The following SDHB variants were observed in gnomAD, a reference collection of about 807,000 sequenced individuals.
SDHB encodes succinate dehydrogenase [ubiquinone] iron-sulfur subunit, mitochondrial.
In SDHB, 21 loss-of-function variants were observed where a neutral mutation model predicts 39.7. That is an observed-to-expected ratio of 0.53 (90% CI 0.37 to 0.76). The LOEUF (loss-of-function observed/expected upper bound fraction) is 0.76, where lower values mean the gene tolerates loss of function less well. Ranked by LOEUF, SDHB falls within the 30% of genes least tolerant of loss-of-function variation. The probability of loss-of-function intolerance (pLI) is 0.00; values close to 1 mark genes in which losing one functional copy is unlikely to be tolerated. For synonymous variants in SDHB, 118 were observed against 117.0 expected (o/e 1.01, Z -0.06); for missense variants, 343 against 350.9 (o/e 0.98, Z 0.18).
At chr1:17,041,051 G>T (rs1348759702) in intron 2 of SDHB, among the ~76,000 whole-genome samples, 1 of 152,004 alleles carries the variant, frequency 6.6e-6, no homozygotes, top group East Asian at 2.0e-4. Flanking sequence ...AATCGCTTGA[G>T]CCTGGAAGGC....
At chr1:17,027,571 C>T (rs1005150586) in intron 5 of SDHB, 178 bp downstream of exon 5, 15 of 638,166 alleles carry the variant, frequency 2.4e-5, no homozygotes, top group Non-Finnish European at 3.7e-5. Flanking sequence ...CTGGGCCATT[C>T]ACGGGTTCAC....
At chr1:17,036,641 T>TA (rs1319983995) in intron 2 of SDHB, among the ~76,000 whole-genome samples, 2 of 149,818 alleles carry the variant, frequency 1.3e-5, no homozygotes, top group Admixed American at 6.7e-5. Context: ...TAACAGTACT[T>TA]ACAGGCTTTT....
chr1:17,040,390 A>G (rs2078073474), intron 2 of SDHB, among the ~76,000 whole-genome samples: 1 of 152,132 alleles, frequency 6.6e-6, no homozygotes, highest in Non-Finnish European at 1.5e-5. Flanking sequence ...TTCTTCAAAT[A>G]GATATTTATT....
chr1:17,042,753 G>A (rs1277772442), intron 2 of SDHB, among the ~76,000 whole-genome samples: 1 of 148,140 alleles, frequency 6.8e-6, no homozygotes, highest in Admixed American at 6.9e-5. Context: ...ACTGTAACCT[G>A]GGTGACAGCG....
intron 5 of SDHB, among the ~76,000 whole-genome samples, chr1:17,026,079 G>A (rs2077989621): frequency 6.6e-6 from 1 of 152,188 alleles, no homozygotes; most frequent in Admixed American, 6.5e-5. Flanking sequence ...CATGCTCAGG[G>A]GAACTCTTCA....
intron 2 of SDHB, 93 bp from the exon 3 acceptor site, chr1:17,033,238 T>A: frequency 9.7e-7 from 1 of 1,032,104 alleles, no homozygotes; most frequent in East Asian, 2.5e-5. Context: ...ATGTATTAGC[T>A]TATCCATTTG....
At chr1:17,044,157 C>T (rs569026514) in intron 2 of SDHB, among the ~76,000 whole-genome samples, 2 of 151,958 alleles carry the variant, frequency 1.3e-5, no homozygotes, top group East Asian at 3.9e-4. Context: ...AACACAGGTC[C>T]AGATGTATAA....
intron 2 of SDHB, among the ~76,000 whole-genome samples, chr1:17,039,867 C>A (rs1365738879): frequency 6.6e-6 from 1 of 152,050 alleles, no homozygotes. Context: ...TTAATTTTAA[C>A]AAAATTAAGA....
At chr1:17,022,980 C>G (rs775845700) in intron 6 of SDHB, 49 of 452,826 alleles carry the variant, frequency 1.1e-4, no homozygotes, top group Non-Finnish European at 1.8e-4. Context: ...ATTATACACA[C>G]TGGGTATCAT....
intron 1 of SDHB, among the ~76,000 whole-genome samples, chr1:17,052,104 C>T (rs1287166990): frequency 1.3e-5 from 2 of 152,262 alleles, no homozygotes; most frequent in African/African-American, 4.8e-5. Flanking sequence ...ACCTTGGCCT[C>T]CCAAAGTGCT....
rs191697531 is a variant in SDHB, at chr1:17,052,834, G to C, written c.72+1114C>G. Reference sequence around the variant, plus strand: ...AAGATGTCCTCATTTAAGTGCAAGAGAGGAAGAGGAACTAAAATTTCTTGG... The same window carrying C: ...AAGATGTCCTCATTTAAGTGCAAGACAGGAAGAGGAACTAAAATTTCTTGG... On this transcript the variant is annotated intron_variant, in intron 1 of 7. Transcript: ENST00000375499. Among the ~76,000 whole-genome samples, 125 of 152,324 alleles carry C rather than the reference G, an allele frequency of 8.2e-4. 1 individual carries two copies. Among genetic ancestry groups the C allele is most frequent in the African/African-American group, 2.7e-3 (113 of 41,562 alleles).
At chr1:17,019,810 T>G (rs937242296) in intron 7 of SDHB, among the ~76,000 whole-genome samples, 1 of 152,210 alleles carries the variant, frequency 6.6e-6, no homozygotes, top group South Asian at 2.1e-4. Flanking sequence ...CATAGTTCAC[T>G]GTGGCCTGGA....
chr1:17,051,482 T>C (rs1297373386), intron 1 of SDHB, among the ~76,000 whole-genome samples: 1 of 151,824 alleles, frequency 6.6e-6, no homozygotes, highest in Admixed American at 6.6e-5. Flanking sequence ...GGTGGGGAAA[T>C]AGAGAGGAAG....
At chr1:17,038,433 A>C (rs944503191) in intron 2 of SDHB, among the ~76,000 whole-genome samples, 8 of 152,238 alleles carry the variant, frequency 5.3e-5, no homozygotes, top group African/African-American at 1.9e-4. Context: ...CAGCCTTGCT[A>C]AATTTACTTA....
intron 1 of SDHB, among the ~76,000 whole-genome samples, chr1:17,048,070 T>C (rs1557747690): frequency 6.6e-6 from 1 of 152,188 alleles, no homozygotes; most frequent in Non-Finnish European, 1.5e-5. Flanking sequence ...CTAGTCAAGA[T>C]AGGGGACATT....
chr1:17,026,437 T>C (rs1228587628), intron 5 of SDHB, among the ~76,000 whole-genome samples: 1 of 152,218 alleles, frequency 6.6e-6, no homozygotes, highest in African/African-American at 2.4e-5. Flanking sequence ...CAACCTTGGC[T>C]CACTGAAACC....
intron 2 of SDHB, among the ~76,000 whole-genome samples, chr1:17,040,731 T>G (rs1405539277): frequency 6.6e-6 from 1 of 152,128 alleles, no homozygotes; most frequent in Non-Finnish European, 1.5e-5. Context: ...CCCAAAGTGC[T>G]GGGATTACAG....
rs147815442 is a variant in SDHB, at chr1:17,053,999, G to A, written c.21C>T (p.Leu7=). The A allele has an allele frequency of 5.8e-4, 940 of 1,612,602 alleles. No individual in the cohort carries two copies. Among genetic ancestry groups the A allele is most frequent in the Non-Finnish European group, 7.0e-4 (824 of 1,179,504 alleles). Reference sequence around the variant, plus strand: ...TGGCCGGCAACCGGCGCCTCAAGGAGAGGGCGACCACCGCCGCCATCTTGG... The same window carrying A: ...TGGCCGGCAACCGGCGCCTCAAGGAAAGGGCGACCACCGCCGCCATCTTGG... MAAVVA[L]SLRRRLPATT... The change falls in exon 1 of 8, where the codon CTC becomes CTT. Residue 7 remains leucine, a synonymous_variant. Coordinates refer to ENST00000375499, the MANE Select transcript of SDHB (RefSeq NM_003000.3).
At chr1:17,034,565 G>T (rs548002649) in intron 2 of SDHB, among the ~76,000 whole-genome samples, 1 of 151,456 alleles carries the variant, frequency 6.6e-6, no homozygotes, top group Non-Finnish European at 1.5e-5. Flanking sequence ...ATTTTTAGTA[G>T]AGATAGGTTT....
Sources: allele counts gnomAD v4.1 joint callset (sites outside exome capture counted in the v4.1 genomes callset), GRCh38; gene constraint gnomAD v4.1.1; transcripts MANE v1.5; gene names NCBI Gene and HGNC (gene_info 2026-07-23, HGNC 2026-07-21).